The following USH2A variants were observed in gnomAD, a reference collection of about 807,000 sequenced individuals.
USH2A encodes usherin, also known as Usher syndrome 2A (autosomal recessive, mild).
A neutral mutation model predicts 538.9 loss-of-function variants in USH2A; 443 were observed. That is an observed-to-expected ratio of 0.82 (90% CI 0.76 to 0.89). USH2A has a LOEUF of 0.89. Ranked by LOEUF, USH2A falls within the 40% of genes least tolerant of loss-of-function variation. The pLI, the probability that USH2A is intolerant of heterozygous loss-of-function variation, is 0.00. For missense variants in USH2A, 6,633 were observed against 6,324.8 expected (o/e 1.05, Z -1.65); for synonymous variants, 2,413 against 2,273.5 (o/e 1.06, Z -1.75).
At chr1:216,168,254 C>T (rs1357279533) in intron 21 of USH2A, among the ~76,000 whole-genome samples, 1 of 151,954 alleles carries the variant, frequency 6.6e-6, no homozygotes, top group African/African-American at 2.4e-5. Context: ...TATATTGATA[C>T]AAAATATCAT....
chr1:215,655,306 T>C (rs1017492074), intron 64 of USH2A, among the ~76,000 whole-genome samples: 1 of 152,216 alleles, frequency 6.6e-6, no homozygotes, highest in African/African-American at 2.4e-5. Flanking sequence ...ACACAATAAA[T>C]GTATCTTGGA....
chr1:216,316,703 T>G (rs982829931), intron 9 of USH2A, among the ~76,000 whole-genome samples: 1 of 152,206 alleles, frequency 6.6e-6, no homozygotes, highest in Non-Finnish European at 1.5e-5. Flanking sequence ...AGCTGGTATC[T>G]CATTGTGGTT....
At chr1:215,876,354 T>C (rs1397137167) in intron 43 of USH2A, among the ~76,000 whole-genome samples, 1 of 152,192 alleles carries the variant, frequency 6.6e-6, no homozygotes, top group Non-Finnish European at 1.5e-5. Context: ...AACTAGGATG[T>C]TTTCCCACCA....
chr1:215,813,214 G>GA (rs1433243500), intron 49 of USH2A, among the ~76,000 whole-genome samples: 1 of 152,124 alleles, frequency 6.6e-6, no homozygotes, highest in East Asian at 1.9e-4. Context: ...AGGGATGAAG[G>GA]AAAAAATCCA....
chr1:216,360,085 T>C (rs531995558), intron 4 of USH2A, among the ~76,000 whole-genome samples: 5 of 152,276 alleles, frequency 3.3e-5, no homozygotes, highest in Admixed American at 1.3e-4. Context: ...TGAAAACTTA[T>C]GTTCACACAA....
intron 46 of USH2A, among the ~76,000 whole-genome samples, chr1:215,838,574 C>A (rs1023164778): frequency 6.6e-6 from 1 of 152,114 alleles, no homozygotes; most frequent in Non-Finnish European, 1.5e-5. Flanking sequence ...CCTAGAGAAG[C>A]CTTCCAATAT....
rs151195169 is a variant in USH2A, at chr1:216,329,048, A to C, written c.785-1394T>G. On this transcript the variant is annotated intron_variant, in intron 4 of 71. Transcript: ENST00000307340. ...TGAGGCCCACAAGAAGATGTGCTCTAGGCAGCCTCCTGCTCTGACTTTCCC... is the reference window on the plus strand; with the variant it reads ...TGAGGCCCACAAGAAGATGTGCTCTCGGCAGCCTCCTGCTCTGACTTTCCC... Among the ~76,000 whole-genome samples, 340 of 152,258 alleles carry C rather than the reference A, an allele frequency of 2.2e-3. 1 individual carries two copies. Among genetic ancestry groups the C allele is most frequent in the African/African-American group, 7.8e-3 (325 of 41,580 alleles).
intron 19 of USH2A, among the ~76,000 whole-genome samples, chr1:216,193,817 TTTCC>T (rs530239973): frequency 5.3e-4 from 80 of 152,128 alleles, no homozygotes; most frequent in African/African-American, 1.8e-3. Context: ...AACACCTAAA[TTTCC>T]GTTGTTTTAA....
At chr1:215,939,415 A>C (rs781435830) in intron 37 of USH2A, among the ~76,000 whole-genome samples, 26 of 152,164 alleles carry the variant, frequency 1.7e-4, no homozygotes, top group Non-Finnish European at 1.8e-4. Flanking sequence ...AAATAGACCA[A>C]ATAAATCTCA....
chr1:216,361,316 T>C (rs2038486686), intron 4 of USH2A, among the ~76,000 whole-genome samples: 1 of 152,014 alleles, frequency 6.6e-6, no homozygotes, highest in African/African-American at 2.4e-5. Flanking sequence ...CTGAATAAAC[T>C]GTAGGAGGAT....
At chr1:216,054,585 T>C (rs984034438) in intron 30 of USH2A, among the ~76,000 whole-genome samples, 2 of 152,134 alleles carry the variant, frequency 1.3e-5, no homozygotes, top group African/African-American at 4.8e-5. Context: ...ATGGATCCTT[T>C]TTAAAGCCGA....
chr1:216,283,381 C>T lies in USH2A; in HGVS notation c.1971+5899G>A, dbSNP rs142745182. Among the ~76,000 whole-genome samples, 865 of 152,298 alleles carry T rather than the reference C, an allele frequency of 5.7e-3. 9 individuals carry two copies. The highest frequency in any genetic ancestry group is 0.02 in the African/African-American group (820 of 41,560). On this transcript the variant is annotated intron_variant, in intron 11 of 71. Transcript: ENST00000307340. ...CTGGGATTACAGGCATGAGCCACCG[C>T]GCCCAGCCTGAATTTATTAGTTTTA...
chr1:215,996,576 T>G (rs995614036), intron 34 of USH2A, among the ~76,000 whole-genome samples: 70 of 133,676 alleles, frequency 5.2e-4, no homozygotes, highest in African/African-American at 1.3e-3. Context: ...TTTTTTTTTT[T>G]TTTTTTTTTT....
At position 215,836,464 on chromosome 1, in the gene USH2A, T is replaced by TTATA. The variant is rs1356176708; in HGVS notation, c.9371+1523_9371+1526dup. Among the ~76,000 whole-genome samples the TTATA allele has an allele frequency of 2.8e-3, 77 of 27,910 alleles. 2 individuals are homozygous for TTATA. Among genetic ancestry groups the TTATA allele is most frequent in the African/African-American group, 8.7e-3 (74 of 8,530 alleles). The allele number at this position is 27,910 out of a possible 152,430, so 18.3% of individuals were successfully genotyped here. On this transcript the variant is annotated intron_variant, in intron 47 of 71. Transcript: ENST00000307340. The stretch of plus-strand genomic sequence containing the variant: ...CCTTCTATGTGTGTGTGTATATATA[T>TTATA]TATATATATATATATAATATATATT...
intron 64 of USH2A, among the ~76,000 whole-genome samples, chr1:215,662,413 G>T (rs1023173667): frequency 2.0e-5 from 3 of 152,194 alleles, no homozygotes; most frequent in African/African-American, 7.2e-5. Context: ...TCTTCACATG[G>T]ATAACTTGTC....
chr1:216,036,902 A>G (rs1247226817), intron 32 of USH2A, among the ~76,000 whole-genome samples: 7 of 152,274 alleles, frequency 4.6e-5, no homozygotes, highest in African/African-American at 1.4e-4. Flanking sequence ...CAGTGACAAA[A>G]GAGAACATAT....
chr1:215,967,889 T>A (rs931358694), intron 36 of USH2A, among the ~76,000 whole-genome samples: 3 of 152,150 alleles, frequency 2.0e-5, no homozygotes, highest in African/African-American at 7.2e-5. Context: ...TAGTCTCGCA[T>A]ATCATCCTTA....
intron 4 of USH2A, among the ~76,000 whole-genome samples, chr1:216,356,873 T>C (rs1187192822): frequency 2.6e-5 from 4 of 152,266 alleles, no homozygotes; most frequent in Admixed American, 2.6e-4. Context: ...ATTTTTACTT[T>C]TGATAGTTTG....
At chr1:215,755,163 A>C (rs1660751386) in intron 58 of USH2A, among the ~76,000 whole-genome samples, 1 of 152,208 alleles carries the variant, frequency 6.6e-6, no homozygotes. Context: ...AAAAAGCTCT[A>C]GATTTCTTGA....
Sources: gnomAD v4.1 joint callset for allele counts (sites outside exome capture counted in the v4.1 genomes callset) on GRCh38, gnomAD v4.1.1 for gene constraint, MANE v1.5 for transcripts, NCBI Gene and HGNC (gene_info 2026-07-23, HGNC 2026-07-21) for gene names.